MSI2: variants seen among roughly 807,000 people sequenced by gnomAD.
MSI2 encodes the protein RNA-binding protein Musashi homolog 2.
Under a neutral mutation model 45.6 loss-of-function variants are expected in MSI2, and 17 were observed. That is an observed-to-expected ratio of 0.37 (90% CI 0.26 to 0.56). MSI2 has a LOEUF of 0.56. Among genes scored for constraint, MSI2 ranks in the 20% least tolerant of loss-of-function variants. The probability of loss-of-function intolerance (pLI) is 0.77; values close to 1 mark genes in which losing one functional copy is unlikely to be tolerated. For missense variants in MSI2, 293 were observed against 444.2 expected (o/e 0.66, Z 3.06); for synonymous variants, 156 against 158.2 (o/e 0.99, Z 0.11).
intron 6 of MSI2, among the ~76,000 whole-genome samples, chr17:57,475,608 T>A (rs925325177): frequency 6.6e-6 from 1 of 152,200 alleles, no homozygotes. Context: ...AGGAAAGGCT[T>A]CCAGGCCTTT....
intron 6 of MSI2, among the ~76,000 whole-genome samples, chr17:57,526,245 A>AAAAAGAC: frequency 6.6e-6 from 1 of 152,124 alleles, no homozygotes; most frequent in East Asian, 1.9e-4. Context: ...AGAAAAAAGA[A>AAAAAGAC]AAACTCCTGT....
At chr17:57,271,118 A>G (rs952863196) in intron 5 of MSI2, among the ~76,000 whole-genome samples, 1 of 152,082 alleles carries the variant, frequency 6.6e-6, no homozygotes, top group East Asian at 1.9e-4. Flanking sequence ...CTCTCCCTGT[A>G]CTGGTCTTTA....
chr17:57,451,280 G>T lies in MSI2; in HGVS notation c.405+49809G>T, dbSNP rs116956601. Among the ~76,000 whole-genome samples the T allele has an allele frequency of 1.0e-3, 158 of 152,218 alleles. 4 individuals carry two copies. In the East Asian group the frequency reaches 0.015, roughly 14 times the overall value. ...ATGTGAATTGTGTGACGATGTGGGT[G>T]CGTGCATGTGTGTGGGTGCACATTT... On this transcript the variant is annotated intron_variant, in intron 6 of 13. Coordinates refer to ENST00000284073, the MANE Select transcript of MSI2 (RefSeq NM_138962.4).
intron 5 of MSI2, among the ~76,000 whole-genome samples, chr17:57,345,847 C>G (rs1915555837): frequency 6.6e-6 from 1 of 151,544 alleles, no homozygotes; most frequent in African/African-American, 2.4e-5. Flanking sequence ...TTAACTAATG[C>G]CTGACTTTAT....
intron 10 of MSI2, chr17:57,632,892 G>C (rs1909523017): frequency 3.8e-6 from 4 of 1,061,740 alleles, no homozygotes; most frequent in Non-Finnish European, 3.4e-6. Context: ...CATTAAAGAT[G>C]CTTGATGTAA....
intron 6 of MSI2, among the ~76,000 whole-genome samples, chr17:57,471,153 G>C (rs1353050817): frequency 1.3e-5 from 2 of 152,092 alleles, no homozygotes; most frequent in Non-Finnish European, 2.9e-5. Flanking sequence ...TATGCCCCCT[G>C]CCTGGCCTCT....
intron 6 of MSI2, among the ~76,000 whole-genome samples, chr17:57,515,608 T>C (rs2143970360): frequency 6.6e-6 from 1 of 152,268 alleles, no homozygotes; most frequent in African/African-American, 2.4e-5. Flanking sequence ...GGGCGCTAGG[T>C]AGGGAATGCA....
At chr17:57,369,926 G>A (rs1473205738) in intron 5 of MSI2, among the ~76,000 whole-genome samples, 1 of 152,226 alleles carries the variant, frequency 6.6e-6, no homozygotes, top group Non-Finnish European at 1.5e-5. Context: ...AAGAGCCAGA[G>A]TAATCTCTGC....
chr17:57,584,247 C>G (rs2088284903), intron 7 of MSI2, among the ~76,000 whole-genome samples: 1 of 152,242 alleles, frequency 6.6e-6, no homozygotes, highest in African/African-American at 2.4e-5. Flanking sequence ...CTGCTGGTCA[C>G]AGCTTCTCAG....
intron 8 of MSI2, chr17:57,608,546 A>G (rs138996237): frequency 7.2e-5 from 11 of 152,606 alleles, no homozygotes; most frequent in African/African-American, 2.2e-4. Context: ...GCTCTCTCTC[A>G]GCAGTGCCAG....
At chr17:57,662,214 C>G (rs1912039674) in intron 11 of MSI2, among the ~76,000 whole-genome samples, 1 of 152,148 alleles carries the variant, frequency 6.6e-6, no homozygotes, top group Non-Finnish European at 1.5e-5. Flanking sequence ...TGCCTTTGAA[C>G]AGCTGTGATG....
chr17:57,581,375 T>C (rs2088202983), intron 7 of MSI2, among the ~76,000 whole-genome samples: 1 of 152,130 alleles, frequency 6.6e-6, no homozygotes, highest in South Asian at 2.1e-4. Flanking sequence ...GTTGATGGCT[T>C]GCCCCACATC....
chr17:57,549,414 G>A (rs887039105), intron 7 of MSI2, among the ~76,000 whole-genome samples: 1 of 151,800 alleles, frequency 6.6e-6, no homozygotes, highest in African/African-American at 2.4e-5. Context: ...ATGGAGAAGG[G>A]ATACTGTTTT....
chr17:57,267,461 CAGACAGGTG>C (rs761838601), intron 5 of MSI2: 1 of 152,024 alleles, frequency 6.6e-6, no homozygotes, highest in Non-Finnish European at 1.5e-5. Context: ...TGATTTTTGG[CAGACAGGTG>C]AGCCTCCTCT....
chr17:57,634,342 TGTA>T (rs1371647702), intron 10 of MSI2, among the ~76,000 whole-genome samples: 1 of 152,148 alleles, frequency 6.6e-6, no homozygotes, highest in East Asian at 1.9e-4. Flanking sequence ...GGCGGGTGCC[TGTA>T]GTCCCAGCTA....
intron 7 of MSI2, among the ~76,000 whole-genome samples, chr17:57,566,538 T>G (rs901629084): frequency 3.3e-5 from 5 of 152,176 alleles, no homozygotes; most frequent in Admixed American, 6.5e-5. Flanking sequence ...CGTTTACCTG[T>G]GCAGAAGTCA....
chr17:57,548,602 G>A (rs2144168855), intron 7 of MSI2, among the ~76,000 whole-genome samples: 1 of 152,030 alleles, frequency 6.6e-6, no homozygotes, highest in South Asian at 2.1e-4. Flanking sequence ...GACAGCTCGG[G>A]CCAGTGGGTG....
At chr17:57,520,111 C>T (rs1462300100) in intron 6 of MSI2, among the ~76,000 whole-genome samples, 2 of 152,156 alleles carry the variant, frequency 1.3e-5, no homozygotes, top group African/African-American at 4.8e-5. Context: ...GTATCTACCT[C>T]CAAGCTATTG....
chr17:57,668,829 C>T (rs1375142568), intron 11 of MSI2, among the ~76,000 whole-genome samples: 2 of 152,166 alleles, frequency 1.3e-5, no homozygotes, highest in Non-Finnish European at 2.9e-5. Context: ...TCTGAAATAG[C>T]CTGAATTTCA....
Sources: gnomAD v4.1 joint callset for allele counts (sites outside exome capture counted in the v4.1 genomes callset) on GRCh38, gnomAD v4.1.1 for gene constraint, MANE v1.5 for transcripts, NCBI Gene and HGNC (gene_info 2026-07-23, HGNC 2026-07-21) for gene names.